Variants in ZNF486 observed in about 807,000 individuals in gnomAD.
ZNF486 encodes zinc finger protein 486, also known as KRAB box only protein 2.
ZNF486 carries 12 observed loss-of-function variants against 12.8 expected under a neutral mutation model. The ratio of observed to expected loss-of-function variants is 0.94; its 90% CI spans 0.60 to 1.52. The LOEUF is 1.52. Ranked by LOEUF, ZNF486 falls within the 40% of genes most tolerant of loss-of-function variation. The probability of loss-of-function intolerance (pLI) is 0.00; values close to 1 mark genes in which losing one functional copy is unlikely to be tolerated. For synonymous variants in ZNF486, 231 were observed against 184.9 expected, an observed-to-expected ratio of 1.25 and a Z score of -2.02; for missense variants, 738 against 545.0, an observed-to-expected ratio of 1.35 and a Z score of -3.53.
intron 3 of ZNF486, among the ~76,000 whole-genome samples, chr19:20,187,458 T>G (rs2089860556): frequency 6.6e-6 from 1 of 152,028 alleles, no homozygotes; most frequent in Admixed American, 6.6e-5. Context: ...CAATATAGTT[T>G]TGTATTGGTG....
chr19:20,194,669 A>G (rs2089940313), intron 3 of ZNF486, among the ~76,000 whole-genome samples: 1 of 152,172 alleles, frequency 6.6e-6, no homozygotes, highest in African/African-American at 2.4e-5. Context: ...TGGAGGTTGC[A>G]GTGAGCCAAG....
chr19:20,188,268 CTTGT>C (rs1386418456), intron 3 of ZNF486: 1 of 388,822 alleles, frequency 2.6e-6, no homozygotes, highest in African/African-American at 2.1e-5. Context: ...GAGAGAAATA[CTTGT>C]TTGATTTGAA....
intron 3 of ZNF486, among the ~76,000 whole-genome samples, chr19:20,194,931 T>A (rs1449547167): frequency 6.6e-6 from 1 of 152,134 alleles, no homozygotes; most frequent in African/African-American, 2.4e-5. Flanking sequence ...TTTTAATAAA[T>A]TTTTCAGTTT....
At chr19:20,174,990 C>T (rs190543751) in intron 1 of ZNF486, 1 of 152,142 alleles carries the variant, frequency 6.6e-6, no homozygotes, top group Non-Finnish European at 1.5e-5. Flanking sequence ...ACTATATGAA[C>T]ATAGTCAGAT....
chr19:20,192,266 A>C (rs1360655427), intron 3 of ZNF486, among the ~76,000 whole-genome samples: 3 of 152,170 alleles, frequency 2.0e-5, no homozygotes, highest in African/African-American at 7.2e-5. Flanking sequence ...CTTTTAAAGA[A>C]ACCACTGAGG....
rs1377185342 is a variant in ZNF486 at position 20,200,273 on chromosome 19, AAAGT to A, written c.*2175_*2178del. ...TTGGGCATTTATGACCTTTTCTATA[AAAGT>A]AAGGACATTAAAATGTAAGATGCAT... On this transcript the variant is annotated 3_prime_UTR_variant, in exon 4 of 4. Transcript: ENST00000335117. The A allele has an allele frequency of 2.0e-5, 3 of 152,138 alleles. No individual in the cohort carries two copies. Among genetic ancestry groups the A allele is most frequent in the Non-Finnish European group, 2.9e-5 (2 of 68,038 alleles). The allele number at this position is 152,138 out of a possible 1,614,324, so 9.4% of individuals were successfully genotyped here. A position where few individuals can be genotyped will look rare whatever the true frequency, so the allele number is the denominator to read the frequency against.
intron 3 of ZNF486, among the ~76,000 whole-genome samples, chr19:20,187,195 T>G (rs1215302163): frequency 3.9e-5 from 6 of 152,036 alleles, no homozygotes; most frequent in Non-Finnish European, 7.4e-5. Context: ...TATCAGTTTG[T>G]TTTAAGTGTA....
rs573778660 is a variant in ZNF486 at position 20,199,172 on chromosome 19, A to T, written c.*1070A>T. 3 of 152,298 alleles carry T rather than the reference A, an allele frequency of 2.0e-5. No individual in the cohort carries two copies. In the East Asian group the frequency reaches 5.8e-4, roughly 29 times the overall value. 9.4% of individuals were successfully genotyped at this position (152,298 alleles called of 1,614,324 possible). A position where few individuals can be genotyped will look rare whatever the true frequency, so the allele number is the denominator to read the frequency against. The stretch of plus-strand genomic sequence containing the variant: ...ATGTCCATCACATCTTACTCAACAG[A>T]AGAAGGTTCATAAAAGAGCAATTAC... On this transcript the variant is annotated 3_prime_UTR_variant, in exon 4 of 4. Coordinates refer to ENST00000335117, the MANE Select transcript of ZNF486 (RefSeq NM_052852.4).
chr19:20,194,464 C>T (rs964510347), intron 3 of ZNF486, among the ~76,000 whole-genome samples: 5 of 152,146 alleles, frequency 3.3e-5, no homozygotes, highest in East Asian at 1.9e-4. Context: ...TGGTGGCTCA[C>T]GTCTATAATC....
intron 1 of ZNF486, chr19:20,175,042 G>T (rs1262598698): frequency 1.3e-5 from 2 of 152,198 alleles, no homozygotes; most frequent in Admixed American, 1.3e-4. Flanking sequence ...GTTGTCAGAT[G>T]TATTTCAATA....
chr19:20,168,872 G>C (rs2089614106), intron 1 of ZNF486, among the ~76,000 whole-genome samples: 1 of 151,544 alleles, frequency 6.6e-6, no homozygotes, highest in Non-Finnish European at 1.5e-5. Context: ...AGACAGTCTT[G>C]CTTTGTGGCC....
chr19:20,175,355 A>ATTTTTTTTTTTTTTTTTTTT (rs2089695158), intron 1 of ZNF486: 1 of 70,442 alleles, frequency 1.4e-5, no homozygotes, highest in Non-Finnish European at 2.4e-5. Context: ...TTTTTTATTG[A>ATTTTTTTTTTTTTTTTTTTT]TCATTCTTGG....
chr19:20,168,954 C>T lies in ZNF486; in HGVS notation c.30+1594C>T, dbSNP rs541231657. Among the ~76,000 whole-genome samples, 4 of 152,110 alleles carry T rather than the reference C, an allele frequency of 2.6e-5. No individual in the cohort carries two copies. In the South Asian group the frequency reaches 8.3e-4, roughly 32 times the overall value. On this transcript the variant is annotated intron_variant, in intron 1 of 3. Transcript: ENST00000335117. Reference sequence around the variant, plus strand: ...CTCCGGGGTTCAAGCAGTTCTCCTGCCTCAGCCTCCCAAGTAGCTGGGACT... The same window carrying T: ...CTCCGGGGTTCAAGCAGTTCTCCTGTCTCAGCCTCCCAAGTAGCTGGGACT...
intron 1 of ZNF486, among the ~76,000 whole-genome samples, 190 bp downstream of exon 1, chr19:20,167,550 G>C (rs925933423): frequency 3.9e-5 from 6 of 152,184 alleles, no homozygotes; most frequent in Non-Finnish European, 8.8e-5. Flanking sequence ...GGGGCGTCCT[G>C]TCTCTTCCCT....
chr19:20,184,574 T>A (rs1305569002), intron 2 of ZNF486, 92 bp downstream of exon 2: 1 of 1,363,222 alleles, frequency 7.3e-7, no homozygotes, highest in Non-Finnish European at 9.8e-7. Context: ...ATCCTTTGCA[T>A]AAAAGAGTTC....
At chr19:20,177,455 G>A (rs558790982) in intron 1 of ZNF486, among the ~76,000 whole-genome samples, 4 of 152,334 alleles carry the variant, frequency 2.6e-5, no homozygotes, top group South Asian at 2.1e-4. Flanking sequence ...GATGAACGAT[G>A]TATGACATGG....
At chr19:20,181,831 G>T (rs980066638) in intron 1 of ZNF486, among the ~76,000 whole-genome samples, 3 of 152,080 alleles carry the variant, frequency 2.0e-5, no homozygotes, top group African/African-American at 7.2e-5. Context: ...TAAAAATGCC[G>T]CACCCTTTAC....
Position 20,199,867 on chromosome 19 carries a change from A to T in ZNF486, c.*1765A>T, listed in dbSNP as rs2089997095. 6.6e-6 allele frequency: 1 copy of T among 151,954 alleles called. No individual in the cohort carries two copies. The highest frequency in any genetic ancestry group is 2.1e-4 in the South Asian group (1 of 4,812). 9.4% of individuals were successfully genotyped at this position (151,954 alleles called of 1,614,324 possible). Reference sequence around the variant, plus strand: ...AAGGCAGGTGGATCACGAGGTCAGGAGTTCAAGACCATCTTGGCCAAGATG... The same window carrying T: ...AAGGCAGGTGGATCACGAGGTCAGGTGTTCAAGACCATCTTGGCCAAGATG... On this transcript the variant is annotated 3_prime_UTR_variant, in exon 4 of 4. Transcript: ENST00000335117.
chr19:20,176,837 G>C (rs1195033554), intron 1 of ZNF486: 2 of 152,812 alleles, frequency 1.3e-5, no homozygotes, highest in Non-Finnish European at 2.9e-5. Flanking sequence ...GGGACAGGGA[G>C]AGGGAGAGTC....
Sources: gnomAD v4.1 joint callset for allele counts (sites outside exome capture counted in the v4.1 genomes callset) on GRCh38, gnomAD v4.1.1 for gene constraint, MANE v1.5 for transcripts, NCBI Gene and HGNC (gene_info 2026-07-23, HGNC 2026-07-21) for gene names.